STK3: variants seen among roughly 807,000 people sequenced by gnomAD.
STK3 encodes serine/threonine kinase 3.
Under a neutral mutation model 58.0 loss-of-function variants are expected in STK3, and 41 were observed. That is an observed-to-expected ratio of 0.71 (90% CI 0.55 to 0.92). STK3 has a LOEUF of 0.92. STK3 is among the 40% of genes least tolerant of loss of function. The pLI is 0.00. For synonymous variants in STK3, 170 were observed against 191.0 expected, an observed-to-expected ratio of 0.89 and a Z score of 0.91; for missense variants, 479 against 602.7, an observed-to-expected ratio of 0.79 and a Z score of 2.15.
chr8:98,466,132 TG>T (rs1820446025), intron 10 of STK3, among the ~76,000 whole-genome samples: 2 of 152,172 alleles, frequency 1.3e-5, no homozygotes, highest in African/African-American at 2.4e-5. Flanking sequence ...AAAACACCAA[TG>T]AAGCCGTAAA....
chr8:98,745,414 T>G (rs1033964120), intron 4 of STK3, among the ~76,000 whole-genome samples: 1 of 152,174 alleles, frequency 6.6e-6, no homozygotes, highest in South Asian at 2.1e-4. Flanking sequence ...TTGTACTATT[T>G]GAAAGAGTTC....
At chr8:98,830,053 C>T (rs575113941), upstream of STK3, among the ~76,000 whole-genome samples, 1 of 152,044 alleles carries the variant, frequency 6.6e-6, no homozygotes, top group East Asian at 1.9e-4. Flanking sequence ...ATGGTGAAAC[C>T]CCGTCTCTAC....
chr8:98,629,462 T>C (rs1041010969), intron 6 of STK3, among the ~76,000 whole-genome samples: 1 of 152,188 alleles, frequency 6.6e-6, no homozygotes, highest in African/African-American at 2.4e-5. Context: ...AAATCAAATA[T>C]GGGGAACCCT....
chr8:98,481,237 A>G (rs1821825510), intron 10 of STK3, among the ~76,000 whole-genome samples: 1 of 152,070 alleles, frequency 6.6e-6, no homozygotes, highest in African/African-American at 2.4e-5. Flanking sequence ...CAAGGAAAAA[A>G]TGTTCAATGA....
chr8:98,779,542 T>C (rs536190097), intron 1 of STK3, among the ~76,000 whole-genome samples: 3 of 152,334 alleles, frequency 2.0e-5, no homozygotes, highest in African/African-American at 7.2e-5. Flanking sequence ...AAATATTGTA[T>C]AACATTACCT....
the STK3 span, among the ~76,000 whole-genome samples, chr8:98,344,336 T>C: frequency 6.6e-6 from 1 of 152,228 alleles, no homozygotes; most frequent in Non-Finnish European, 1.5e-5. Context: ...CTTGGCTCCC[T>C]GTATCTGCAA....
chr8:98,561,500 C>A (rs1193520996), intron 8 of STK3, among the ~76,000 whole-genome samples: 1 of 151,956 alleles, frequency 6.6e-6, no homozygotes, highest in Non-Finnish European at 1.5e-5. Flanking sequence ...CTGGTATCAT[C>A]ATAATAAAAC....
chr8:98,798,227 T>G (rs1833304128), intron 1 of STK3, among the ~76,000 whole-genome samples: 1 of 152,196 alleles, frequency 6.6e-6, no homozygotes, highest in Non-Finnish European at 1.5e-5. Context: ...CTGGCTCACT[T>G]TAAACAAATA....
chr8:98,419,022 T>TA (rs1449770777), intron 3 of STK3, among the ~76,000 whole-genome samples: 1 of 152,218 alleles, frequency 6.6e-6, no homozygotes, highest in African/African-American at 2.4e-5. Context: ...CAACGGCATG[T>TA]ATGTCCTGGC....
At chr8:98,361,426 G>A in the STK3 span, among the ~76,000 whole-genome samples, 2 of 152,136 alleles carry the variant, frequency 1.3e-5, no homozygotes, top group Non-Finnish European at 2.9e-5. Context: ...TGATAGTTTT[G>A]TAAACCTGTG....
At chr8:98,905,975 A>G (rs891029556) in intron 1 of STK3, among the ~76,000 whole-genome samples, 5 of 152,222 alleles carry the variant, frequency 3.3e-5, no homozygotes, top group Admixed American at 3.3e-4. Flanking sequence ...CAGTTCAAAG[A>G]GTTGGCTACA....
At chr8:98,760,126 T>C (rs1830529452) in intron 3 of STK3, among the ~76,000 whole-genome samples, 11 of 152,050 alleles carry the variant, frequency 7.2e-5, no homozygotes, top group Admixed American at 7.2e-4. Flanking sequence ...GGGCTAACTG[T>C]AGTTTTGTTA....
At chr8:98,386,893 G>A (rs1236170122) in intron 1 of STK3, among the ~76,000 whole-genome samples, 2 of 152,194 alleles carry the variant, frequency 1.3e-5, no homozygotes, top group Non-Finnish European at 2.9e-5. Flanking sequence ...CGGAGGTGGA[G>A]GTTACTGTGA....
At position 98,395,320 on chromosome 8, in the gene STK3, G is replaced by C. The variant is rs144771773; in HGVS notation, n.428-7073C>G. On this transcript the variant is annotated intron_variant and non_coding_transcript_variant, in intron 3 of 5. Coordinates refer to the STK3 transcript ENST00000649151. ...CTATTGTTCACTGCAGATTTTACAT[G>C]GTTTAATTTTTGGCAAGCAAGATCT... Among the ~76,000 whole-genome samples, 47 of 152,152 alleles carry C rather than the reference G, an allele frequency of 3.1e-4. No homozygotes were observed. In the East Asian group the frequency reaches 9.1e-3, roughly 29 times the overall value.
rs1219176561 is a variant in STK3 at position 98,931,583 on chromosome 8, G to A, written c.-79+10795C>T. The stretch of plus-strand genomic sequence containing the variant: ...CCAGATACCCAGCAGATAACATCAT[G>A]GTTGTAATGAGGTAACAGTGAACAG... On this transcript the variant is annotated intron_variant, in intron 1 of 1. Coordinates refer to the STK3 transcript ENST00000519420. Among the ~76,000 whole-genome samples the A allele has an allele frequency of 5.3e-5, 8 of 152,332 alleles. No individual in the cohort carries two copies. The South Asian group carries it at 1.7e-3, about 32-fold the overall frequency.
At chr8:98,847,481 T>A (rs1041946168) in intron 3 of STK3, among the ~76,000 whole-genome samples, 1 of 152,176 alleles carries the variant, frequency 6.6e-6, no homozygotes, top group African/African-American at 2.4e-5. Context: ...GCCACAGACC[T>A]TGATGCTGTG....
chr8:98,908,298 A>G (rs1025345465), intron 1 of STK3, among the ~76,000 whole-genome samples: 2 of 152,260 alleles, frequency 1.3e-5, no homozygotes, highest in Non-Finnish European at 2.9e-5. Context: ...AGGAAAGGCA[A>G]GATAAATGTG....
At chr8:98,569,069 T>C (rs1441947888) in intron 8 of STK3, among the ~76,000 whole-genome samples, 4 of 152,114 alleles carry the variant, frequency 2.6e-5, no homozygotes, top group Non-Finnish European at 2.9e-5. Flanking sequence ...ATTCAAAGAA[T>C]CAGGTATCTG....
chr8:98,843,229 G>C (rs1343560609), intron 3 of STK3, among the ~76,000 whole-genome samples: 1 of 152,034 alleles, frequency 6.6e-6, no homozygotes. Flanking sequence ...TTAGATCTCT[G>C]TTTCTATAAC....
Sources: gnomAD v4.1 joint callset for allele counts (sites outside exome capture counted in the v4.1 genomes callset) on GRCh38, gnomAD v4.1.1 for gene constraint, MANE v1.5 for transcripts, NCBI Gene and HGNC (gene_info 2026-07-23, HGNC 2026-07-21) for gene names.